The following TACC2 variants were observed in gnomAD, a reference collection of about 807,000 sequenced individuals.
The protein encoded by TACC2 is transforming acidic coiled-coil containing protein 2.
A neutral mutation model predicts 227.3 loss-of-function variants in TACC2; 137 were observed. That is an observed-to-expected ratio of 0.60 (90% CI 0.52 to 0.69). The LOEUF is 0.69. TACC2 is among the 30% of genes least tolerant of loss of function. The probability of loss-of-function intolerance (pLI) is 0.00; values close to 1 mark genes in which losing one functional copy is unlikely to be tolerated. For synonymous variants in TACC2, 1,523 were observed against 1,487.5 expected (o/e 1.02, Z -0.55); for missense variants, 3,470 against 3,694.4 (o/e 0.94, Z 1.57).
chr10:122,222,868 G>A (rs79665395), intron 11 of TACC2, among the ~76,000 whole-genome samples: 5 of 152,314 alleles, frequency 3.3e-5, no homozygotes, highest in East Asian at 1.9e-4. Flanking sequence ...CTTGGAAATC[G>A]TAATGATACC....
At chr10:122,089,885 C>T (rs2080548942) in intron 5 of TACC2, among the ~76,000 whole-genome samples, 2 of 152,212 alleles carry the variant, frequency 1.3e-5, no homozygotes, top group East Asian at 3.9e-4. Context: ...TGGATGTGGG[C>T]ATGTGCTGGC....
intron 3 of TACC2, among the ~76,000 whole-genome samples, chr10:122,072,727 G>A (rs2078221543): frequency 6.6e-6 from 1 of 152,158 alleles, no homozygotes; most frequent in Non-Finnish European, 1.5e-5. Context: ...ACAACTGTCA[G>A]TTTAAAAATA....
At chr10:122,154,541 T>A (rs932315783) in intron 7 of TACC2, among the ~76,000 whole-genome samples, 1 of 152,210 alleles carries the variant, frequency 6.6e-6, no homozygotes, top group Non-Finnish European at 1.5e-5. Flanking sequence ...TCACAACGAT[T>A]CCTTAAGCTC....
intron 12 of TACC2, 95 bp downstream of exon 12, chr10:122,224,882 C>T (rs2095594370): frequency 9.9e-7 from 1 of 1,009,528 alleles, no homozygotes; most frequent in Non-Finnish European, 1.5e-6. Flanking sequence ...GCTCAGACCC[C>T]AAATCGAGTG....
intron 3 of TACC2, among the ~76,000 whole-genome samples, chr10:122,074,656 G>T (rs115725591): frequency 1.0e-3 from 153 of 152,202 alleles, no homozygotes; most frequent in African/African-American, 3.5e-3. Context: ...GTGCTGGAGA[G>T]AATTCTGACC....
intron 2 of TACC2, among the ~76,000 whole-genome samples, chr10:122,035,680 G>C (rs1565126170): frequency 6.6e-6 from 1 of 152,098 alleles, no homozygotes; most frequent in Non-Finnish European, 1.5e-5. Context: ...GTACATTGCA[G>C]TGCAACCATC....
At chr10:122,193,680 A>G (rs1258800920) in intron 7 of TACC2, among the ~76,000 whole-genome samples, 1 of 152,142 alleles carries the variant, frequency 6.6e-6, no homozygotes, top group Non-Finnish European at 1.5e-5. Context: ...AAATGAATAA[A>G]TCAGTATTTC....
At chr10:122,089,030 G>A (rs898035079) in intron 5 of TACC2, among the ~76,000 whole-genome samples, 3 of 152,088 alleles carry the variant, frequency 2.0e-5, no homozygotes, top group East Asian at 1.9e-4. Flanking sequence ...TGGGAGGATC[G>A]ATCGTTTGAG....
chr10:122,229,654 G>A lies in TACC2; in HGVS notation c.8037+168G>A, dbSNP rs75093507. 2.7e-3 allele frequency among the ~76,000 whole-genome samples: 418 copies of A among 152,148 alleles called. 3 individuals are homozygous for A. Among genetic ancestry groups the A allele is most frequent in the African/African-American group, 9.6e-3 (400 of 41,512 alleles). On this transcript the variant is annotated intron_variant, in intron 15 of 22. Transcript: ENST00000369005. ...GGTATATGTGACGTTCTTTCCCCAC[G>A]ATACCAAAGTGATGTAAATTGTGTG...
chr10:122,218,031 G>A (rs186336312), intron 11 of TACC2, among the ~76,000 whole-genome samples: 74 of 151,990 alleles, frequency 4.9e-4, no homozygotes, highest in African/African-American at 1.8e-3. Context: ...TGCAACCTCC[G>A]CCTCCTGGGT....
intron 1 of TACC2, among the ~76,000 whole-genome samples, chr10:122,011,407 G>C (rs1041959763): frequency 1.3e-5 from 2 of 152,154 alleles, no homozygotes; most frequent in Middle Eastern, 3.2e-3. Context: ...TCGGCTCACT[G>C]CAACCTCCAC....
In TACC2 at chr10:122,180,483, G is replaced by A. The variant is rs575346797; in HGVS notation, c.5835-14557G>A. ...CTCCCGAGTAGCTGGGACTACAGGC[G>A]CCCGCCACCACACCCGGCTAATTTT... On this transcript the variant is annotated intron_variant, in intron 7 of 22. Transcript: ENST00000369005. This position sits in a 1 kb window ranked among gnomAD's most constrained non-coding sequence, Gnocchi z 4.5. Among the ~76,000 whole-genome samples, 940 of 151,916 alleles carry A rather than the reference G, an allele frequency of 6.2e-3. 5 individuals carry two copies. The highest frequency in any genetic ancestry group is 0.011 in the Non-Finnish European group (741 of 67,960).
rs577041077 is a variant in TACC2 at position 122,244,850 on chromosome 10, G to A, written c.8392+2849G>A. On this transcript the variant is annotated intron_variant, in intron 19 of 22. Transcript: ENST00000369005. ...ACACCAGTGTGACATCAGTCCTGCC[G>A]TTGTTATTCATTTGCATCAAATGTT... Among the ~76,000 whole-genome samples, 13 of 152,310 alleles carry A rather than the reference G, an allele frequency of 8.5e-5. No homozygotes were observed. In the East Asian group the frequency reaches 2.5e-3, roughly 29 times the overall value.
intron 3 of TACC2, among the ~76,000 whole-genome samples, chr10:122,058,472 G>T (rs1036411501): frequency 6.6e-6 from 1 of 151,906 alleles, no homozygotes; most frequent in Admixed American, 6.6e-5. Flanking sequence ...GCAGTGGCGC[G>T]ATCTTGGCTC....
intron 9 of TACC2, among the ~76,000 whole-genome samples, chr10:122,212,349 C>G (rs2141045694): frequency 6.6e-6 from 1 of 152,292 alleles, no homozygotes; most frequent in South Asian, 2.1e-4. Flanking sequence ...AAGTGGGGAG[C>G]AAATCCCCAC....
intron 19 of TACC2, among the ~76,000 whole-genome samples, chr10:122,246,190 C>G (rs929274735): frequency 1.3e-5 from 2 of 152,194 alleles, no homozygotes; most frequent in Non-Finnish European, 2.9e-5. Flanking sequence ...CCTAATCTCA[C>G]GCCGTGGGGT....
chr10:122,195,393 G>A (rs549634794), intron 8 of TACC2, among the ~76,000 whole-genome samples: 2 of 152,166 alleles, frequency 1.3e-5, no homozygotes, highest in East Asian at 1.9e-4. Context: ...TTTTAGGGGG[G>A]GCCTCTGGGG....
intron 18 of TACC2, 108 bp from the exon 19 acceptor site, chr10:122,241,850 T>C: frequency 9.8e-7 from 1 of 1,016,008 alleles, no homozygotes. Context: ...AAGGTGACCC[T>C]GGAAGTTGGG....
rs182291271 is a variant in TACC2, at chr10:122,056,395, G to A, written c.146+5845G>A. ...TCACCATGTTGGCCAGGCTGGTCTC[G>A]AACTCTTGACCTCAGGTGATCTGCC... is the stretch of plus-strand genomic sequence containing the variant. On this transcript the variant is annotated intron_variant, in intron 3 of 22. Transcript: ENST00000369005. Among the ~76,000 whole-genome samples the A allele has an allele frequency of 7.6e-3, 1,153 of 152,136 alleles. 18 individuals are homozygous for A. Among genetic ancestry groups the A allele is most frequent in the African/African-American group, 0.026 (1,090 of 41,522 alleles).
Sources: gnomAD v4.1 joint callset for allele counts (sites outside exome capture counted in the v4.1 genomes callset) on GRCh38, gnomAD v4.1.1 for gene constraint, Gnocchi (gnomAD v3.1) non-coding constraint, MANE v1.5 for transcripts, NCBI Gene and HGNC (gene_info 2026-07-23, HGNC 2026-07-21) for gene names.